The following CCDC178 variants were observed in gnomAD, a reference collection of about 807,000 sequenced individuals.
CCDC178 encodes coiled-coil domain-containing protein 178.
CCDC178 carries 126 observed loss-of-function variants against 117.4 expected under a neutral mutation model. The observed-to-expected ratio is 1.07, with a 90% CI of 0.93 to 1.24. CCDC178 has a LOEUF of 1.24. Among genes scored for constraint, CCDC178 ranks in the 50% most tolerant of loss-of-function variants. The pLI is 0.00. For synonymous variants in CCDC178, 283 were observed against 313.4 expected (o/e 0.90, Z 1.02); for missense variants, 1,030 against 986.9 (o/e 1.04, Z -0.59).
At chr18:33,253,073 T>C (rs1344568582) in intron 14 of CCDC178, among the ~76,000 whole-genome samples, 1 of 151,834 alleles carries the variant, frequency 6.6e-6, no homozygotes, top group Non-Finnish European at 1.5e-5. Flanking sequence ...TCAAGTCAAA[T>C]GTCCCAAATG....
At chr18:32,943,757 A>G (rs565104089) in intron 22 of CCDC178, among the ~76,000 whole-genome samples, 1 of 152,380 alleles carries the variant, frequency 6.6e-6, no homozygotes, top group South Asian at 2.1e-4. Flanking sequence ...GAAATTTCAA[A>G]AAACAAATCC....
chr18:33,286,486 C>A (rs999886006), intron 12 of CCDC178, among the ~76,000 whole-genome samples: 6 of 152,098 alleles, frequency 3.9e-5, no homozygotes, highest in Non-Finnish European at 7.4e-5. Context: ...AATAACTATT[C>A]TTTCTCTATT....
intron 5 of CCDC178, among the ~76,000 whole-genome samples, chr18:33,371,891 G>C (rs2063306763): frequency 6.6e-6 from 1 of 150,934 alleles, no homozygotes; most frequent in Admixed American, 6.6e-5. Context: ...CAAATATCTT[G>C]ATAAGGGCAT....
intron 12 of CCDC178, among the ~76,000 whole-genome samples, chr18:33,272,215 CAAGA>C (rs1334346942): frequency 6.6e-6 from 1 of 151,148 alleles, no homozygotes; most frequent in Non-Finnish European, 1.5e-5. Flanking sequence ...ATCAGAAATT[CAAGA>C]GAGAGTATTG....
chr18:33,394,944 T>C (rs1459294669), intron 4 of CCDC178, among the ~76,000 whole-genome samples: 3 of 13,020 alleles, frequency 2.3e-4, no homozygotes, highest in African/African-American at 9.0e-4. Context: ...TATGTATGTG[T>C]ATATATATAT....
At chr18:33,218,047 A>T (rs983438108) in intron 18 of CCDC178, among the ~76,000 whole-genome samples, 2 of 152,152 alleles carry the variant, frequency 1.3e-5, no homozygotes, top group Non-Finnish European at 2.9e-5. Context: ...ACATGCAGCA[A>T]ATATCTATTA....
chr18:33,048,170 C>G (rs2056679945), intron 21 of CCDC178, among the ~76,000 whole-genome samples: 1 of 152,128 alleles, frequency 6.6e-6, no homozygotes, highest in Non-Finnish European at 1.5e-5. Flanking sequence ...TGAGACAGAT[C>G]TCTCTCTAGC....
At chr18:33,078,911 C>T (rs1302403379) in intron 21 of CCDC178, among the ~76,000 whole-genome samples, 1 of 152,152 alleles carries the variant, frequency 6.6e-6, no homozygotes, top group Non-Finnish European at 1.5e-5. Context: ...TCATTCTTCA[C>T]AGAACCAGGA....
intron 20 of CCDC178, among the ~76,000 whole-genome samples, chr18:33,137,980 T>C (rs1035904634): frequency 6.6e-6 from 1 of 152,238 alleles, no homozygotes; most frequent in African/African-American, 2.4e-5. Flanking sequence ...TAGCCATTTA[T>C]TTTTTATGCA....
intron 6 of CCDC178, among the ~76,000 whole-genome samples, chr18:33,363,643 C>G (rs2063159123): frequency 6.6e-6 from 1 of 151,976 alleles, no homozygotes; most frequent in Admixed American, 6.6e-5. Context: ...TATTCTATCC[C>G]TTCTTCACTG....
chr18:32,990,950 C>A (rs565999496), intron 21 of CCDC178, among the ~76,000 whole-genome samples: 1 of 151,416 alleles, frequency 6.6e-6, no homozygotes, highest in African/African-American at 2.4e-5. Flanking sequence ...GTTAATAACA[C>A]AGTGAGATAC....
chr18:33,156,641 C>CAAAAAAAAAAAAAAAAAAAAAA (rs35712594), intron 20 of CCDC178, among the ~76,000 whole-genome samples: 1 of 99,272 alleles, frequency 1.0e-5, no homozygotes, highest in African/African-American at 4.0e-5. Flanking sequence ...TCCTCCCTCT[C>CAAAAAAAAAAAAAAAAAAAAAA]AAAAAAAAAA....
chr18:33,031,886 T>C (rs918049921), intron 21 of CCDC178, among the ~76,000 whole-genome samples: 1 of 152,068 alleles, frequency 6.6e-6, no homozygotes, highest in Non-Finnish European at 1.5e-5. Flanking sequence ...ACACAATATA[T>C]AGAGCAATGA....
intron 21 of CCDC178, among the ~76,000 whole-genome samples, chr18:33,050,013 G>C (rs564615487): frequency 6.6e-6 from 1 of 151,980 alleles, no homozygotes; most frequent in African/African-American, 2.4e-5. Context: ...CCCGGGAGGC[G>C]GAGTTTGCCG....
At chr18:33,236,350 A>C (rs974529310) in intron 15 of CCDC178, among the ~76,000 whole-genome samples, 1 of 152,194 alleles carries the variant, frequency 6.6e-6, no homozygotes, top group Admixed American at 6.5e-5. Context: ...TATAAACCTG[A>C]ATTATCTAAG....
At chr18:33,292,743 G>A (rs1319674441) in intron 12 of CCDC178, among the ~76,000 whole-genome samples, 1 of 151,998 alleles carries the variant, frequency 6.6e-6, no homozygotes. Context: ...TTTGTCTGAA[G>A]TTTTTCTTCA....
At chr18:33,394,977 ATATATATATATG>A (rs2063615968) in intron 4 of CCDC178, among the ~76,000 whole-genome samples, 2 of 136,924 alleles carry the variant, frequency 1.5e-5, no homozygotes, top group African/African-American at 5.3e-5. Flanking sequence ...ATATATATAT[ATATATATATATG>A]TATACATATA....
chr18:33,074,741 A>C (rs2057175128), intron 21 of CCDC178, among the ~76,000 whole-genome samples: 1 of 152,178 alleles, frequency 6.6e-6, no homozygotes, highest in South Asian at 2.1e-4. Context: ...ATGAGACCAG[A>C]TACACCCTAT....
intron 15 of CCDC178, among the ~76,000 whole-genome samples, chr18:33,243,890 AC>A (rs2059516386): frequency 6.6e-6 from 1 of 152,012 alleles, no homozygotes; most frequent in East Asian, 1.9e-4. Flanking sequence ...AAATTAACTG[AC>A]CAAAATACAG....
Sources: allele counts gnomAD v4.1 joint callset (sites outside exome capture counted in the v4.1 genomes callset), GRCh38; gene constraint gnomAD v4.1.1; transcripts MANE v1.5; gene names NCBI Gene and HGNC (gene_info 2026-07-23, HGNC 2026-07-21).